The following MYOM1 variants were observed in gnomAD, a reference collection of about 807,000 sequenced individuals.
MYOM1 encodes myomesin 1.
In MYOM1, 164 loss-of-function variants were observed where a neutral mutation model predicts 205.3. The observed-to-expected ratio is 0.80, with a 90% CI of 0.70 to 0.91. MYOM1 has a LOEUF of 0.91. MYOM1 is among the 40% of genes least tolerant of loss of function. The probability of loss-of-function intolerance (pLI) is 0.00; values close to 1 mark genes in which losing one functional copy is unlikely to be tolerated. For missense variants in MYOM1, 2,011 were observed against 2,127.3 expected (o/e 0.95, Z 1.08); for synonymous variants, 772 against 789.4 (o/e 0.98, Z 0.37).
At chr18:3,159,304 G>T (rs1053619328) in intron 10 of MYOM1, among the ~76,000 whole-genome samples, 1 of 152,136 alleles carries the variant, frequency 6.6e-6, no homozygotes, top group Non-Finnish European at 1.5e-5. Context: ...CAGACATATG[G>T]TGCTTTATAC....
the MYOM1 span, among the ~76,000 whole-genome samples, chr18:3,241,476 C>A: frequency 6.6e-6 from 1 of 152,154 alleles, no homozygotes; most frequent in African/African-American, 2.4e-5. Flanking sequence ...GCACAGAAGT[C>A]AAAAATTGGG....
chr18:3,074,957 C>A (rs2079004559), intron 36 of MYOM1, among the ~76,000 whole-genome samples: 1 of 152,104 alleles, frequency 6.6e-6, no homozygotes. Flanking sequence ...CTACACCCGG[C>A]TAATTTTTGT....
In MYOM1 at chr18:3,172,846, G is replaced by A. The variant is rs117666341; in HGVS notation, c.1174+1092C>T. On this transcript the variant is annotated intron_variant, in intron 8 of 37. Transcript: ENST00000356443. Reference sequence around the variant, plus strand: ...TATCTCAACATAAATCAAGAGATGGGAGAAGAACATGATTCGGGATGTGCT... The same window carrying A: ...TATCTCAACATAAATCAAGAGATGGAAGAAGAACATGATTCGGGATGTGCT... 2.6e-5 allele frequency among the ~76,000 whole-genome samples: 4 copies of A among 152,320 alleles called. No homozygotes were observed. The East Asian group carries it at 7.7e-4, about 29-fold the overall frequency.
intron 25 of MYOM1, 35 bp from the exon 26 acceptor site, chr18:3,094,341 T>C: frequency 6.5e-7 from 1 of 1,548,990 alleles, no homozygotes; most frequent in Non-Finnish European, 8.7e-7. Flanking sequence ...GTAATTATAT[T>C]GGTAACCAAT....
chr18:3,149,119 G>A (rs779877746), intron 13 of MYOM1, 26 bp downstream of exon 13: 10 of 1,608,298 alleles, frequency 6.2e-6, no homozygotes, highest in Non-Finnish European at 8.5e-6. Context: ...ATCAGCAATA[G>A]TATCTGGGGC....
At position 3,129,232 on chromosome 18, in the gene MYOM1, CTCTG is replaced by C. The variant is rs764298096; in HGVS notation, c.2790_2793del (p.Asp930GlufsTer40). 104 of 1,612,602 alleles carry C rather than the reference CTCTG, an allele frequency of 6.4e-5. No homozygotes were observed. Among genetic ancestry groups the C allele is most frequent in the Non-Finnish European group, 8.3e-5 (98 of 1,179,358 alleles). On this transcript the variant is annotated frameshift_variant and splice_region_variant, in exon 18 of 38. Coordinates refer to ENST00000356443, the MANE Select transcript of MYOM1 (RefSeq NM_003803.4). LOFTEE classifies it high-confidence loss of function. The stretch of plus-strand genomic sequence containing the variant: ...ACAGCTTCCCTTTCTCAACTCTCAC[CTCTG>C]TCTGTCTTCTTTTTCAGGGGGTCAG...
chr18:3,126,593 G>C (rs1457894175), intron 19 of MYOM1, 108 bp downstream of exon 19: 5 of 961,020 alleles, frequency 5.2e-6, no homozygotes, highest in African/African-American at 1.7e-5. Context: ...ATGGACTCTG[G>C]AGAAATGACG....
chr18:3,151,365 C>G (rs1011306982), intron 12 of MYOM1, among the ~76,000 whole-genome samples: 1 of 151,530 alleles, frequency 6.6e-6, no homozygotes, highest in Non-Finnish European at 1.5e-5. Context: ...TCTCCAGCCT[C>G]TTTGCTTTTA....
chr18:3,220,330 C>CA (rs2081317012), upstream of MYOM1, among the ~76,000 whole-genome samples: 1 of 152,042 alleles, frequency 6.6e-6, no homozygotes, highest in African/African-American at 2.4e-5. Context: ...AACACACGTA[C>CA]GGTACATTTA....
chr18:3,125,766 A>G (rs1205909018), intron 19 of MYOM1, among the ~76,000 whole-genome samples: 1 of 152,158 alleles, frequency 6.6e-6, no homozygotes, highest in Non-Finnish European at 1.5e-5. Flanking sequence ...GAAGCTCTAG[A>G]GAAGAAAGTC....
chr18:3,160,097 C>CTTCTCT (rs1263284107), intron 10 of MYOM1, among the ~76,000 whole-genome samples: 103 of 115,076 alleles, frequency 9.0e-4, no homozygotes, highest in African/African-American at 3.6e-3. Context: ...CCTTCTTCTC[C>CTTCTCT]TCCTCCTTCT....
chr18:3,197,867 C>T (rs2081013707), intron 2 of MYOM1, among the ~76,000 whole-genome samples: 1 of 151,552 alleles, frequency 6.6e-6, no homozygotes. Context: ...AGCGAGACTC[C>T]ATCTCAAAAA....
intron 2 of MYOM1, among the ~76,000 whole-genome samples, chr18:3,203,426 A>C (rs576743615): frequency 3.9e-5 from 6 of 151,956 alleles, no homozygotes; most frequent in African/African-American, 1.4e-4. Context: ...AAATTACTAA[A>C]ATCAAGAATG....
the MYOM1 span, chr18:3,245,834 C>A: frequency 6.6e-6 from 1 of 152,222 alleles, no homozygotes; most frequent in East Asian, 1.9e-4. Context: ...GTTTACGCTT[C>A]GTTTGTGCTC....
At chr18:3,215,561 C>T (rs754100377) in intron 1 of MYOM1, among the ~76,000 whole-genome samples, 2 of 152,082 alleles carry the variant, frequency 1.3e-5, no homozygotes, top group Non-Finnish European at 2.9e-5. Context: ...TATGATTGAC[C>T]ATTGCACTCA....
intron 13 of MYOM1, among the ~76,000 whole-genome samples, chr18:3,147,538 A>T (rs1321147559): frequency 6.6e-6 from 1 of 152,132 alleles, no homozygotes; most frequent in Non-Finnish European, 1.5e-5. Context: ...GGGGGGAAAA[A>T]CCCAACACAA....
At chr18:3,173,573 C>CATGT (rs1397176555) in intron 8 of MYOM1, among the ~76,000 whole-genome samples, 62 of 136,914 alleles carry the variant, frequency 4.5e-4, no homozygotes, top group Non-Finnish European at 7.8e-4. Context: ...AGTCCAGACT[C>CATGT]GTGTGTGTGT....
chr18:3,209,432 T>C lies in MYOM1; in HGVS notation c.290+5502A>G, dbSNP rs1230015635. Among the ~76,000 whole-genome samples, 1 of 152,240 alleles carries C rather than the reference T, an allele frequency of 6.6e-6. No individual in the cohort carries two copies. Among genetic ancestry groups the C allele is most frequent in the Admixed American group, 6.5e-5 (1 of 15,286 alleles). ...GAACTTGCTTCTGCAACAGTCACAG[T>C]GATGCTGTTACCACTGAGTCAGAGC... On this transcript the variant is annotated intron_variant, in intron 2 of 37. Coordinates refer to ENST00000356443, the MANE Select transcript of MYOM1 (RefSeq NM_003803.4). This position sits in a 1 kb window ranked among gnomAD's most constrained non-coding sequence, Gnocchi z 4.0.
chr18:3,102,333 G>T, intron 23 of MYOM1, 141 bp downstream of exon 23: 1 of 920,014 alleles, frequency 1.1e-6, no homozygotes, highest in Admixed American at 2.6e-5. Flanking sequence ...GTTTAAGTTG[G>T]TTATTATTTT....
Sources: gnomAD v4.1 joint callset for allele counts (sites outside exome capture counted in the v4.1 genomes callset) on GRCh38, gnomAD v4.1.1 for gene constraint, Gnocchi (gnomAD v3.1) non-coding constraint, MANE v1.5 for transcripts, NCBI Gene and HGNC (gene_info 2026-07-23, HGNC 2026-07-21) for gene names.